Variants in TMTC3 observed in about 807,000 individuals in gnomAD.
TMTC3 encodes protein O-mannosyl-transferase TMTC3.
A neutral mutation model predicts 92.2 loss-of-function variants in TMTC3; 52 were observed. That is an observed-to-expected ratio of 0.56 (90% CI 0.45 to 0.71). TMTC3 has a LOEUF of 0.71. Ranked by LOEUF, TMTC3 falls within the 30% of genes least tolerant of loss-of-function variation. The pLI, the probability that TMTC3 is intolerant of heterozygous loss-of-function variation, is 0.00. For missense variants in TMTC3, 896 were observed against 1,057.1 expected, an observed-to-expected ratio of 0.85 and a Z score of 2.11; for synonymous variants, 339 against 363.3, an observed-to-expected ratio of 0.93 and a Z score of 0.76.
chr12:88,177,241 G>A (rs528128364), intron 10 of TMTC3, among the ~76,000 whole-genome samples: 49 of 151,576 alleles, frequency 3.2e-4, no homozygotes, highest in African/African-American at 1.1e-3. Flanking sequence ...CACAAGAATC[G>A]CTGGAACCTG....
chr12:88,162,863 G>C (rs2041095601), intron 6 of TMTC3, among the ~76,000 whole-genome samples: 1 of 151,098 alleles, frequency 6.6e-6, no homozygotes, highest in Non-Finnish European at 1.5e-5. Flanking sequence ...ATTCTGGAAT[G>C]CATTTAAGTT....
chr12:88,192,879 A>ATT, intron 13 of TMTC3, 49 bp downstream of exon 13: 1 of 1,457,612 alleles, frequency 6.9e-7, no homozygotes, highest in Non-Finnish European at 9.3e-7. Flanking sequence ...AGTTTATAAT[A>ATT]TAATAAGACC....
rs2041060619 is a variant in TMTC3 at position 88,160,240 on chromosome 12, C to A, written c.624+11C>A. 2.8e-6 allele frequency: 4 copies of A among 1,417,048 alleles called. No individual in the cohort carries two copies. Among genetic ancestry groups the A allele is most frequent in the Non-Finnish European group, 3.8e-6 (4 of 1,059,470 alleles). 87.8% of individuals were successfully genotyped at this position (1,417,048 alleles called of 1,614,324 possible). On this transcript the variant is annotated intron_variant, in intron 5 of 13. Coordinates refer to ENST00000266712, the MANE Select transcript of TMTC3 (RefSeq NM_181783.4). ...TTTATTGCCCAGGGGGTAAGCCAAA[C>A]TATAAATATATAAATTTTCTTATTG... is the stretch of plus-strand genomic sequence containing the variant.
intron 10 of TMTC3, among the ~76,000 whole-genome samples, chr12:88,178,793 CTG>C (rs1341207633): frequency 6.6e-6 from 1 of 152,176 alleles, no homozygotes; most frequent in Non-Finnish European, 1.5e-5. Context: ...GGCTTTGAGA[CTG>C]AGATGTTACT....
intron 10 of TMTC3, among the ~76,000 whole-genome samples, chr12:88,183,091 G>A (rs897522402): frequency 4.6e-5 from 7 of 152,124 alleles, no homozygotes; most frequent in Non-Finnish European, 7.3e-5. Flanking sequence ...GCTGTTTGAC[G>A]GTTCTGTATG....
chr12:88,192,933 C>T (rs2041461057), intron 13 of TMTC3, 103 bp downstream of exon 13: 1 of 873,518 alleles, frequency 1.1e-6, no homozygotes, highest in African/African-American at 1.7e-5. Flanking sequence ...TATGTATTGA[C>T]AGTTTATAGC....
chr12:88,164,845 A>C (rs1255392245), intron 6 of TMTC3, among the ~76,000 whole-genome samples: 5 of 152,098 alleles, frequency 3.3e-5, no homozygotes, highest in Non-Finnish European at 5.9e-5. Context: ...TCACATAACT[A>C]TCCTCCCTAG....
chr12:88,159,479 A>G (rs904968669), intron 4 of TMTC3, among the ~76,000 whole-genome samples: 3 of 152,040 alleles, frequency 2.0e-5, no homozygotes, highest in African/African-American at 7.2e-5. Context: ...TGAGCAGCAT[A>G]GCAACACCCT....
At position 88,160,715 on chromosome 12, in the gene TMTC3, T is replaced by C; in HGVS notation, c.661T>C (p.Phe221Leu). ...ATTACTATGTACTACTGCTGGACAG[T>C]TTCTCCGTGGAAAGGGTAGCATTCC... ...LPLLCTTAGQFLRGKGSIPFS... is the reference protein window; with the variant it reads ...LPLLCTTAGQLLRGKGSIPFS... Residue 221 changes from phenylalanine (F) to leucine (L), a missense_variant, in exon 6 of 14, where the codon TTT becomes CTT. Physicochemically the swap from Phe to Leu is conservative, Grantham distance 22. Coordinates refer to ENST00000266712, the MANE Select transcript of TMTC3 (RefSeq NM_181783.4). 1 of 1,613,606 alleles carries C rather than the reference T, an allele frequency of 6.2e-7. No homozygotes were observed. Among genetic ancestry groups the C allele is most frequent in the Non-Finnish European group, 8.5e-7 (1 of 1,179,752 alleles).
At chr12:88,194,718 C>G (rs1240454226) in intron 13 of TMTC3, 120 bp from the exon 14 acceptor site, 1 of 670,952 alleles carries the variant, frequency 1.5e-6, no homozygotes. Context: ...CTTTTTTTAA[C>G]TATGGAAATT....
chr12:88,189,214 C>T (rs2041413414), intron 11 of TMTC3, among the ~76,000 whole-genome samples: 1 of 151,820 alleles, frequency 6.6e-6, no homozygotes, highest in South Asian at 2.1e-4. Context: ...CTGCCTCAGC[C>T]TCCCAAGTAG....
In TMTC3 at chr12:88,174,717, C is replaced by T. The variant is rs528762799; in HGVS notation, c.1310C>T (p.Ser437Leu). Residue 437 changes from serine to leucine, a missense_variant, in exon 9 of 14, where the codon TCA becomes TTA. Transcript: ENST00000266712. ...GAGTCTGAATATACATTGTTTATGT[C>T]AGCCTTGAAGGTAAAGTGTTGTTCA... Reference protein sequence around the residue: ...DWESEYTLFMSALKVNKNNAK... With the variant: ...DWESEYTLFMLALKVNKNNAK... 1 of 1,612,014 alleles carries T rather than the reference C, an allele frequency of 6.2e-7. No homozygotes were observed. The highest frequency in any genetic ancestry group is 1.3e-5 in the African/African-American group (1 of 74,926).
chr12:88,172,747 T>C lies in TMTC3; in HGVS notation c.1199+2T>C. On this transcript the variant is annotated splice_donor_variant, in intron 8 of 13. Coordinates refer to ENST00000266712, the MANE Select transcript of TMTC3 (RefSeq NM_181783.4). LOFTEE classifies it high-confidence loss of function. ...ATGGCAGAAAATATCAACAAAAAGG[T>C]GAATTTAAATGTCAGTTCATGTAAT... 1 of 1,589,552 alleles carries C rather than the reference T, an allele frequency of 6.3e-7. No homozygotes were observed. Among genetic ancestry groups the C allele is most frequent in the Non-Finnish European group, 8.5e-7 (1 of 1,171,864 alleles).
In TMTC3 at chr12:88,190,437, CT is replaced by C; in HGVS notation, c.1537-12del. The C allele has an allele frequency of 1.2e-6, 2 of 1,604,584 alleles. No homozygotes were observed. Among genetic ancestry groups the C allele is most frequent in the African/African-American group, 1.3e-5 (1 of 74,616 alleles). The stretch of plus-strand genomic sequence containing the variant: ...CTGAAATATCAAATCATGAAAATGC[CT>C]TTTCTTCTAAACAGATTATTCCTGG... On this transcript the variant is annotated splice_polypyrimidine_tract_variant and intron_variant, in intron 11 of 13. Coordinates refer to ENST00000266712, the MANE Select transcript of TMTC3 (RefSeq NM_181783.4).
At chr12:88,152,533 T>C (rs2040955725) in intron 2 of TMTC3, among the ~76,000 whole-genome samples, 1 of 152,210 alleles carries the variant, frequency 6.6e-6, no homozygotes, top group African/African-American at 2.4e-5. Context: ...AATAACTTTA[T>C]TAATATTTTA....
intron 4 of TMTC3, among the ~76,000 whole-genome samples, chr12:88,156,079 C>T (rs1275794383): frequency 2.6e-5 from 4 of 152,128 alleles, no homozygotes; most frequent in South Asian, 2.1e-4. Flanking sequence ...CACCGCACTC[C>T]AGCCTGGGAG....
chr12:88,159,069 A>G (rs1384518006), intron 4 of TMTC3, among the ~76,000 whole-genome samples: 1 of 146,422 alleles, frequency 6.8e-6, no homozygotes, highest in African/African-American at 2.5e-5. Flanking sequence ...AAAAAAAGGA[A>G]AAAAAAAAAA....
At chr12:88,189,241 C>A (rs10777093) in intron 11 of TMTC3, among the ~76,000 whole-genome samples, 73,399 of 151,354 alleles carry the variant, frequency 0.48, 20,907 homozygotes, top group African/African-American at 0.81. Context: ...CTACAGGTGC[C>A]TGCCACCACA....
Position 88,142,396 on chromosome 12 carries a change from G to A in TMTC3, c.-120G>A, listed in dbSNP as rs1055253836. ...GCCTGCAAACTGGTGGCCTGAACGA[G>A]GTAGACCATGACTGTGGTTTCAGTG... On this transcript the variant is annotated 5_prime_UTR_variant, in exon 1 of 14. Coordinates refer to ENST00000266712, the MANE Select transcript of TMTC3 (RefSeq NM_181783.4). 3 of 152,618 alleles carry A rather than the reference G, an allele frequency of 2.0e-5. No homozygotes were observed. Among genetic ancestry groups the A allele is most frequent in the African/African-American group, 7.2e-5 (3 of 41,480 alleles). 9.5% of individuals were successfully genotyped at this position (152,618 alleles called of 1,614,324 possible).
Sources: allele counts gnomAD v4.1 joint callset (sites outside exome capture counted in the v4.1 genomes callset), GRCh38; gene constraint gnomAD v4.1.1; transcripts MANE v1.5; gene names NCBI Gene and HGNC (gene_info 2026-07-23, HGNC 2026-07-21).